The following TEAD1 variants were observed in gnomAD, a reference collection of about 807,000 sequenced individuals.
TEAD1 encodes transcriptional enhancer factor TEF-1.
In TEAD1, 9 loss-of-function variants were observed where a neutral mutation model predicts 54.9. The ratio of observed to expected loss-of-function variants is 0.16; its 90% CI spans 0.10 to 0.29. The LOEUF is 0.29. Among genes scored for constraint, TEAD1 ranks in the 10% least tolerant of loss-of-function variants. TEAD1 has a pLI of 1.00. For synonymous variants in TEAD1, 200 were observed against 187.8 expected (o/e 1.07, Z -0.53); for missense variants, 387 against 535.9 (o/e 0.72, Z 2.74).
At chr11:12,774,239 T>G (rs965347278) in intron 3 of TEAD1, among the ~76,000 whole-genome samples, 2 of 152,118 alleles carry the variant, frequency 1.3e-5, no homozygotes, top group Admixed American at 1.3e-4. Flanking sequence ...TGGCCACAAA[T>G]ACGGTCAACT....
chr11:12,881,869 C>T (rs1947977932), intron 7 of TEAD1, 27 bp from the exon 8 acceptor site: 1 of 1,613,228 alleles, frequency 6.2e-7, no homozygotes, highest in East Asian at 2.2e-5. Flanking sequence ...GATCTCTTAA[C>T]TCTGTCTGCC....
At chr11:12,892,870 TTC>T in intron 9 of TEAD1, among the ~76,000 whole-genome samples, 1 of 152,246 alleles carries the variant, frequency 6.6e-6, no homozygotes, top group Non-Finnish European at 1.5e-5. Context: ...AAGAGGCTCC[TTC>T]TCTCCTGTAA....
intron 3 of TEAD1, among the ~76,000 whole-genome samples, chr11:12,799,299 C>T (rs1946906): frequency 0.034 from 5,182 of 152,322 alleles, 317 homozygotes; most frequent in African/African-American, 0.12. Flanking sequence ...AATCTGGGCA[C>T]AGAGCACTGA....
chr11:12,858,208 A>G (rs1947431063), intron 3 of TEAD1, among the ~76,000 whole-genome samples: 1 of 152,218 alleles, frequency 6.6e-6, no homozygotes, highest in African/African-American at 2.4e-5. Context: ...ATACAATCCC[A>G]AACAGCCAAA....
intron 2 of TEAD1, among the ~76,000 whole-genome samples, chr11:12,684,218 A>G (rs1943284928): frequency 6.6e-6 from 1 of 152,182 alleles, no homozygotes; most frequent in Non-Finnish European, 1.5e-5. Flanking sequence ...CACGTCCCTT[A>G]TTCATAAAGT....
intron 3 of TEAD1, among the ~76,000 whole-genome samples, chr11:12,800,535 G>A (rs1946033748): frequency 6.6e-6 from 1 of 152,200 alleles, no homozygotes; most frequent in Non-Finnish European, 1.5e-5. Context: ...TGATAAGGGA[G>A]GGGGACGCAA....
Position 12,705,898 on chromosome 11 carries a change from TTGTC to T in TEAD1, c.-55+30340_-55+30343del, listed in dbSNP as rs1190706396. 3.3e-5 allele frequency among the ~76,000 whole-genome samples: 5 copies of T among 152,324 alleles called. No individual in the cohort carries two copies. The East Asian group carries it at 5.8e-4, about 18-fold the overall frequency. The stretch of plus-strand genomic sequence containing the variant: ...TGATAAATTACTGTTGGGTTCTTAA[TTGTC>T]TGACAAAGAAACTCCATTGTTCTAA... On this transcript the variant is annotated intron_variant, in intron 2 of 12. Coordinates refer to ENST00000527636, the MANE Select transcript of TEAD1 (RefSeq NM_021961.6).
rs139534950 is a variant in TEAD1, at chr11:12,865,106, T to C, written c.330+206T>C. 2.6e-3 allele frequency: 1,711 copies of C among 650,812 alleles called. 24 individuals are homozygous for C. In the African/African-American group the frequency reaches 0.027, roughly 10 times the overall value. 40.3% of individuals were successfully genotyped at this position (650,812 alleles called of 1,614,324 possible). ...ATGTGTGTGAGCGCGTGTGTGTGTT[T>C]GCGTGTGTGTGTGCGTGTGTATGTG... On this transcript the variant is annotated intron_variant, in intron 5 of 12. Coordinates refer to ENST00000527636, the MANE Select transcript of TEAD1 (RefSeq NM_021961.6).
intron 3 of TEAD1, among the ~76,000 whole-genome samples, chr11:12,838,509 T>G (rs1012652533): frequency 6.6e-6 from 1 of 152,376 alleles, no homozygotes. Context: ...AAGACATGTT[T>G]CATGTGTTTA....
chr11:12,824,933 G>GT (rs1235777809), intron 3 of TEAD1, among the ~76,000 whole-genome samples: 1 of 152,166 alleles, frequency 6.6e-6, no homozygotes, highest in Non-Finnish European at 1.5e-5. Context: ...AGATGGTGCT[G>GT]TTTTTTCATA....
At chr11:12,728,868 GC>G (rs1206249106) in intron 2 of TEAD1, among the ~76,000 whole-genome samples, 2 of 152,174 alleles carry the variant, frequency 1.3e-5, no homozygotes, top group African/African-American at 4.8e-5. Flanking sequence ...TTGGAATGTA[GC>G]ACCTGTAGAA....
At chr11:12,887,974 G>A (rs1948124358) in intron 9 of TEAD1, among the ~76,000 whole-genome samples, 4 of 152,190 alleles carry the variant, frequency 2.6e-5, no homozygotes. Flanking sequence ...AGGCTCATTA[G>A]ACCCAAGGGG....
chr11:12,797,196 A>G (rs1315777746), intron 3 of TEAD1, among the ~76,000 whole-genome samples: 2 of 152,178 alleles, frequency 1.3e-5, no homozygotes, highest in South Asian at 2.1e-4. Flanking sequence ...TGACCTCTTA[A>G]CTTTTAATTC....
intron 9 of TEAD1, among the ~76,000 whole-genome samples, chr11:12,885,343 C>T (rs1461663332): frequency 6.6e-6 from 1 of 150,512 alleles, no homozygotes; most frequent in Non-Finnish European, 1.5e-5. Context: ...TCACGCCATT[C>T]TCCTGCCTCA....
intron 3 of TEAD1, among the ~76,000 whole-genome samples, chr11:12,810,019 C>T (rs180967218): frequency 7.8e-6 from 1 of 128,780 alleles, no homozygotes; most frequent in African/African-American, 3.0e-5. Flanking sequence ...CTCCCTCTGT[C>T]GTCCAGGCTG....
chr11:12,793,984 C>T (rs971048594), intron 3 of TEAD1, among the ~76,000 whole-genome samples: 1 of 152,230 alleles, frequency 6.6e-6, no homozygotes, highest in African/African-American at 2.4e-5. Context: ...ATGGAAGCAG[C>T]TATTTCATTC....
At chr11:12,866,368 C>T (rs1012210348) in intron 5 of TEAD1, among the ~76,000 whole-genome samples, 20 of 152,168 alleles carry the variant, frequency 1.3e-4, no homozygotes, top group African/African-American at 4.8e-4. Flanking sequence ...CCTGTGGACT[C>T]ACCAGGGCAC....
At chr11:12,785,656 A>G (rs1590149619) in intron 3 of TEAD1, among the ~76,000 whole-genome samples, 1 of 152,136 alleles carries the variant, frequency 6.6e-6, no homozygotes, top group Admixed American at 6.5e-5. Flanking sequence ...TATGGCCCAC[A>G]TGACTTTAGG....
At chr11:12,778,002 A>C (rs1849634206) in intron 3 of TEAD1, among the ~76,000 whole-genome samples, 2 of 152,240 alleles carry the variant, frequency 1.3e-5, no homozygotes, top group Non-Finnish European at 2.9e-5. Flanking sequence ...TTGTTCTTGC[A>C]ATGAATTTTT....
Sources: gnomAD v4.1 joint callset for allele counts (sites outside exome capture counted in the v4.1 genomes callset) on GRCh38, gnomAD v4.1.1 for gene constraint, MANE v1.5 for transcripts, NCBI Gene and HGNC (gene_info 2026-07-23, HGNC 2026-07-21) for gene names.